The following BBS4 variants were observed in gnomAD, a reference collection of about 807,000 sequenced individuals.
BBS4 encodes Bardet-Biedl syndrome 4, also known as BBSome complex member BBS4.
Under a neutral mutation model 71.4 loss-of-function variants are expected in BBS4, and 58 were observed. The ratio of observed to expected loss-of-function variants is 0.81; its 90% CI spans 0.66 to 1.01. BBS4 has a LOEUF of 1.01. Among genes scored for constraint, BBS4 ranks in the 50% least tolerant of loss-of-function variants. The pLI is 0.00. For missense variants in BBS4, 660 were observed against 607.9 expected (o/e 1.09, Z -0.90); for synonymous variants, 228 against 216.8 (o/e 1.05, Z -0.46).
rs966378068 is a variant in BBS4 at position 72,730,287 on chromosome 15, A to T, written c.711+603A>T. Among the ~76,000 whole-genome samples, 186 of 151,220 alleles carry T rather than the reference A, an allele frequency of 1.2e-3. 1 individual carries two copies. The highest frequency in any genetic ancestry group is 4.2e-3 in the African/African-American group (172 of 41,182). Reference sequence around the variant, plus strand: ...GAGCGAGACTCTGTCTCAAAAAAAAAAAAAATAAAAAATAAAAAAAATAAA... The same window carrying T: ...GAGCGAGACTCTGTCTCAAAAAAAATAAAAATAAAAAATAAAAAAAATAAA... On this transcript the variant is annotated intron_variant, in intron 10 of 15. Coordinates refer to ENST00000268057, the MANE Select transcript of BBS4 (RefSeq NM_033028.5).
chr15:72,719,251 T>C (rs1025063685), intron 6 of BBS4, among the ~76,000 whole-genome samples: 1 of 145,648 alleles, frequency 6.9e-6, no homozygotes, highest in Non-Finnish European at 1.5e-5. Context: ...CTAGCAGTTT[T>C]TTACTTTCTA....
At chr15:72,692,972 A>T (rs2065014065) in intron 1 of BBS4, among the ~76,000 whole-genome samples, 1 of 152,040 alleles carries the variant, frequency 6.6e-6, no homozygotes, top group Admixed American at 6.6e-5. Flanking sequence ...CTGAATTTCC[A>T]TCTGTTACCC....
Position 72,732,740 on chromosome 15 carries a change from TGC to T in BBS4, c.1036+1015_1036+1016del, listed in dbSNP as rs542994268. The stretch of plus-strand genomic sequence containing the variant: ...GTTACAATTCCTGAGAAGGAGGGCA[TGC>T]TACACCGTGCAGGGCCACATGGGGA... On this transcript the variant is annotated intron_variant, in intron 12 of 15. Transcript: ENST00000268057. Among the ~76,000 whole-genome samples the T allele has an allele frequency of 1.8e-3, 269 of 152,328 alleles. 2 individuals carry two copies. The highest frequency in any genetic ancestry group is 2.7e-3 in the Non-Finnish European group (187 of 68,036).
At chr15:72,729,732 G>A (rs1287501321) in intron 10 of BBS4, 48 bp downstream of exon 10, 1 of 1,500,606 alleles carries the variant, frequency 6.7e-7, no homozygotes, top group Non-Finnish European at 9.3e-7. Context: ...CGGTCCCACT[G>A]CTCCTAGAGG....
chr15:72,699,488 C>T (rs961624659), intron 2 of BBS4, among the ~76,000 whole-genome samples: 1 of 152,128 alleles, frequency 6.6e-6, no homozygotes, highest in African/African-American at 2.4e-5. Flanking sequence ...GCTAGTAAAT[C>T]TTTAAATCTG....
chr15:72,735,779 AT>A, intron 13 of BBS4, 45 bp from the exon 14 acceptor site: 1 of 1,613,174 alleles, frequency 6.2e-7, no homozygotes, highest in Non-Finnish European at 8.5e-7. Context: ...CTAAATGACC[AT>A]TTGTTGCAGA....
At chr15:72,733,640 T>G (rs1407230566) in intron 12 of BBS4, among the ~76,000 whole-genome samples, 1 of 152,216 alleles carries the variant, frequency 6.6e-6, no homozygotes, top group Non-Finnish European at 1.5e-5. Flanking sequence ...TATTCCATGG[T>G]GTACATTTAC....
Position 72,731,596 on chromosome 15 carries a change from T to C in BBS4, c.906T>C (p.Phe302=), listed in dbSNP as rs12914333. 0.99 allele frequency: 1,602,754 copies of C among 1,614,126 alleles called. 796,409 individuals are homozygous for C. The highest frequency in any genetic ancestry group is 1 in the East Asian group (44,874 of 44,874). The part of the protein sequence containing the change: ...CLKRANYLAP[F]DWKILYNLGL... Reference sequence around the variant, plus strand: ...AACGAGCCAACTACTTGGCACCCTTTGATTGGAAGATTCTGTATAATTTGG... The same window carrying C: ...AACGAGCCAACTACTTGGCACCCTTCGATTGGAAGATTCTGTATAATTTGG... The change falls in exon 12 of 16, where the codon TTT becomes TTC. Residue 302 remains phenylalanine (F), a synonymous_variant. Coordinates refer to ENST00000268057, the MANE Select transcript of BBS4 (RefSeq NM_033028.5).
intron 2 of BBS4, chr15:72,704,317 G>T (rs2065225640): frequency 3.4e-6 from 2 of 583,366 alleles, no homozygotes; most frequent in Admixed American, 5.4e-5. Flanking sequence ...CAAAATAGGG[G>T]AGACTCTGCT....
intron 1 of BBS4, among the ~76,000 whole-genome samples, chr15:72,688,157 A>G (rs2064908357): frequency 1.3e-5 from 2 of 151,738 alleles, no homozygotes; most frequent in Admixed American, 6.6e-5. Context: ...AGTGCTCATC[A>G]CAAGTGTTTG....
At chr15:72,737,448 T>G in intron 15 of BBS4, 30 bp from the exon 16 acceptor site, 3 of 1,547,434 alleles carry the variant, frequency 1.9e-6, no homozygotes, top group Non-Finnish European at 2.7e-6. Flanking sequence ...TTGTGGAACA[T>G]GAGGATTCAA....
chr15:72,736,119 C>G (rs1028043830), intron 14 of BBS4, among the ~76,000 whole-genome samples, 153 bp downstream of exon 14: 1 of 152,054 alleles, frequency 6.6e-6, no homozygotes, highest in Admixed American at 6.6e-5. Context: ...TTAATAACAG[C>G]CTGAGAAAAA....
chr15:72,730,561 C>T (rs942103886), intron 10 of BBS4, among the ~76,000 whole-genome samples: 8 of 29,160 alleles, frequency 2.7e-4, no homozygotes, highest in Non-Finnish European at 6.3e-4. Flanking sequence ...CACTATACTC[C>T]AGCCTGGGTG....
At chr15:72,721,221 G>C (rs1297214616) in intron 6 of BBS4, among the ~76,000 whole-genome samples, 1 of 152,180 alleles carries the variant, frequency 6.6e-6, no homozygotes, top group Non-Finnish European at 1.5e-5. Context: ...TAACGTAATT[G>C]AATATCTAAT....
chr15:72,710,195 GTTTTTTT>G (rs66684005), intron 3 of BBS4, among the ~76,000 whole-genome samples: 14 of 103,438 alleles, frequency 1.4e-4, no homozygotes, highest in East Asian at 2.7e-4. Flanking sequence ...ATTTTGTCGA[GTTTTTTT>G]TTTTTTTTTT....
In BBS4 at chr15:72,725,201, C is replaced by T. The variant is rs143649702; in HGVS notation, c.587+546C>T. On this transcript the variant is annotated intron_variant, in intron 8 of 15. Coordinates refer to ENST00000268057, the MANE Select transcript of BBS4 (RefSeq NM_033028.5). ...TCAGCCTCCCAAGTAGTTGGGACTA[C>T]AGGCATGTGCCACCATGCCCAGCTA... is the stretch of plus-strand genomic sequence containing the variant. 9.0e-3 allele frequency among the ~76,000 whole-genome samples: 1,370 copies of T among 151,982 alleles called. 10 individuals are homozygous for T. Among genetic ancestry groups the T allele is most frequent in the Non-Finnish European group, 0.016 (1,084 of 67,980 alleles).
intron 10 of BBS4, among the ~76,000 whole-genome samples, 154 bp from the exon 11 acceptor site, chr15:72,731,151 T>G (rs1474566821): frequency 6.9e-6 from 1 of 145,382 alleles, no homozygotes; most frequent in Non-Finnish European, 1.5e-5. Flanking sequence ...CAGGAACATT[T>G]GTCCCAATAG....
chr15:72,738,124 G>A lies in BBS4; in HGVS notation c.*537G>A, dbSNP rs1402858518. 2.2e-6 allele frequency: 1 copy of A among 452,740 alleles called. No individual in the cohort carries two copies. Among genetic ancestry groups the A allele is most frequent in the East Asian group, 7.0e-5 (1 of 14,380 alleles). The allele number at this position is 452,740 out of a possible 1,614,324, so 28.0% of individuals were successfully genotyped here. A position where few individuals can be genotyped will look rare whatever the true frequency, so the allele number is the denominator to read the frequency against. On this transcript the variant is annotated 3_prime_UTR_variant, in exon 16 of 16. Coordinates refer to ENST00000268057, the MANE Select transcript of BBS4 (RefSeq NM_033028.5). ...AAAAAACAAAAGCCCTGGAAGTTGA[G>A]GCCAAGCCTGCTGAGTATTGCAGCT...
intron 2 of BBS4, among the ~76,000 whole-genome samples, chr15:72,700,067 G>A (rs144844962): frequency 6.6e-6 from 1 of 152,284 alleles, no homozygotes; most frequent in African/African-American, 2.4e-5. Context: ...AGCCTCCTGA[G>A]TAGCTGGGAC....
Sources: gnomAD v4.1 joint callset for allele counts (sites outside exome capture counted in the v4.1 genomes callset) on GRCh38, gnomAD v4.1.1 for gene constraint, MANE v1.5 for transcripts, NCBI Gene and HGNC (gene_info 2026-07-23, HGNC 2026-07-21) for gene names.